The following TMEM67 variants were observed in gnomAD, a reference collection of about 807,000 sequenced individuals.
TMEM67 encodes the protein transmembrane protein 67.
In TMEM67, 124 loss-of-function variants were observed where a neutral mutation model predicts 136.6. That is an observed-to-expected ratio of 0.91 (90% confidence interval 0.78 to 1.05). The LOEUF is 1.05. Ranked by LOEUF, TMEM67 falls within the 50% of genes least tolerant of loss-of-function variation. The pLI is 0.00. For missense variants in TMEM67, 1,107 were observed against 1,178.4 expected (o/e 0.94, Z 0.89); for synonymous variants, 364 against 390.5 (o/e 0.93, Z 0.80).
chr8:93,815,178 G>A (rs190174915), intron 26 of TMEM67, 127 bp from the exon 27 acceptor site: 1 of 553,794 alleles, frequency 1.8e-6, no homozygotes, highest in Non-Finnish European at 3.0e-6. Flanking sequence ...TGTAAGCCAT[G>A]AAGTATTGTA....
chr8:93,812,942 G>A (rs1370495114), intron 26 of TMEM67, among the ~76,000 whole-genome samples: 6 of 151,890 alleles, frequency 4.0e-5, no homozygotes, highest in Non-Finnish European at 5.9e-5. Context: ...CACCATGTTG[G>A]TCAGGCTGGT....
intron 18 of TMEM67, 28 bp from the exon 19 acceptor site, chr8:93,797,106 C>G: frequency 7.4e-7 from 1 of 1,352,806 alleles, no homozygotes; most frequent in African/African-American, 1.4e-5. Flanking sequence ...GGTACTTTTT[C>G]AGGTGTTTTA....
At chr8:93,821,421 A>G (rs1391435593), downstream of TMEM67, among the ~76,000 whole-genome samples, 3 of 152,178 alleles carry the variant, frequency 2.0e-5, no homozygotes. Context: ...AGTTGGGATT[A>G]CAGGCACATG....
chr8:93,758,645 A>G, intron 3 of TMEM67, 69 bp downstream of exon 3: 1 of 1,279,972 alleles, frequency 7.8e-7, no homozygotes, highest in Non-Finnish European at 1.1e-6. Context: ...TTATTTGAAA[A>G]GGGCACTAAT....
intron 2 of TMEM67, chr8:93,756,396 GTAAA>G (rs1405885249): frequency 2.0e-5 from 3 of 152,192 alleles, no homozygotes; most frequent in Admixed American, 6.6e-5. Flanking sequence ...AAAAAAATTA[GTAAA>G]TAGTTACTAT....
chr8:93,777,187 C>T (rs1020185482), intron 7 of TMEM67, among the ~76,000 whole-genome samples: 13 of 152,242 alleles, frequency 8.5e-5, no homozygotes, highest in Middle Eastern at 3.4e-3. Flanking sequence ...TCTGTGGGAT[C>T]GGTGGTGATA....
At chr8:93,796,279 C>T (rs1218221694) in intron 18 of TMEM67, among the ~76,000 whole-genome samples, 1 of 152,118 alleles carries the variant, frequency 6.6e-6, no homozygotes, top group Non-Finnish European at 1.5e-5. Context: ...CACAATGGGA[C>T]AAAATGTCTT....
Position 93,765,597 on chromosome 8 carries a change from C to G in TMEM67, c.602C>G (p.Thr201Arg). 1 of 1,613,224 alleles carries G rather than the reference C, an allele frequency of 6.2e-7. No individual in the cohort carries two copies. Among genetic ancestry groups the G allele is most frequent in the Non-Finnish European group, 8.5e-7 (1 of 1,179,248 alleles). The change falls in exon 6 of 28, where the codon ACA (threonine) becomes AGA (arginine). Residue 201 changes from threonine (T) to arginine (R), a missense_variant. By Grantham distance (71) the Thr-to-Arg change is moderately conservative. Coordinates refer to ENST00000453321, the MANE Select transcript of TMEM67 (RefSeq NM_153704.6). ...ACAGGGGGATTATGTTTCAGCAGCA[C>G]AGGGAATTTTCCTCTACGTAGAATT... is the stretch of plus-strand genomic sequence containing the variant. Reference protein sequence around the residue: ...ILTGGLCFSSTGNFPLRRISA... With the variant: ...ILTGGLCFSSRGNFPLRRISA...
the TMEM67 span, among the ~76,000 whole-genome samples, chr8:93,830,936 G>T: frequency 2.0e-5 from 3 of 152,246 alleles, no homozygotes; most frequent in Non-Finnish European, 4.4e-5. Context: ...CTCGTACTTT[G>T]ATTTTAGAAG....
the TMEM67 span, among the ~76,000 whole-genome samples, chr8:93,828,120 CA>C: frequency 6.6e-6 from 1 of 152,148 alleles, no homozygotes; most frequent in Non-Finnish European, 1.5e-5. Context: ...GCCCTATTTA[CA>C]GACAAGTCTC....
chr8:93,793,217 G>A lies in TMEM67; in HGVS notation c.1595G>A (p.Gly532Asp), dbSNP rs1250701640. 1 of 1,614,108 alleles carries A rather than the reference G, an allele frequency of 6.2e-7. No individual in the cohort carries two copies. The highest frequency in any genetic ancestry group is 1.1e-5 in the South Asian group (1 of 91,082). The change falls in exon 16 of 28, where the codon GGT becomes GAT. Residue 532 changes from glycine to aspartate, a missense_variant. This residue lies in a region of TMEM67 where 925 missense variants were observed against 1,002.4 expected (regional missense o/e 0.92). Coordinates refer to ENST00000453321, the MANE Select transcript of TMEM67 (RefSeq NM_153704.6). ...TTTTAGATTGCTTTGGGTGTATTGG[G>A]TGGGCTAGCTGTTTTAGCATCTCTT... ...VQTDIALGVL[G>D]GLAVLASLLK...
chr8:93,785,682 C>A (rs548426618), intron 12 of TMEM67: 1 of 264,558 alleles, frequency 3.8e-6, no homozygotes, highest in East Asian at 8.2e-5. Flanking sequence ...CTTTTTTGGA[C>A]AAATTAGTTT....
intron 2 of TMEM67, chr8:93,757,119 A>G (rs963518023): frequency 1.3e-5 from 2 of 151,308 alleles, no homozygotes; most frequent in Non-Finnish European, 2.9e-5. Flanking sequence ...AAATAAATAA[A>G]TAAATAAATA....
chr8:93,787,817 A>G lies in TMEM67; in HGVS notation c.1413-27A>G. 3 of 1,516,552 alleles carry G rather than the reference A, an allele frequency of 2.0e-6. No individual in the cohort carries two copies. In the South Asian group the frequency reaches 3.4e-5, roughly 17 times the overall value. 93.9% of individuals were successfully genotyped at this position (1,516,552 alleles called of 1,614,324 possible). On this transcript the variant is annotated intron_variant, in intron 13 of 27. Coordinates refer to ENST00000453321, the MANE Select transcript of TMEM67 (RefSeq NM_153704.6). ...GTTTAAAGGCCCGGATATACTGATT[A>G]CTATAAATGCATTTTCTTTTAAATA...
At chr8:93,828,398 C>T in the TMEM67 span, among the ~76,000 whole-genome samples, 3 of 152,158 alleles carry the variant, frequency 2.0e-5, no homozygotes, top group Admixed American at 2.0e-4. Flanking sequence ...TTAAGGAACT[C>T]TTGATTAATT....
In TMEM67 at chr8:93,777,261, G is replaced by A. The variant is rs1057275681; in HGVS notation, c.715-3332G>A. ...CTCTCTTTTCCTCTTTATTAGTCTC[G>A]CTAGCGGTCTATCAATTTTGTTGAT... On this transcript the variant is annotated intron_variant, in intron 7 of 27. Coordinates refer to ENST00000453321, the MANE Select transcript of TMEM67 (RefSeq NM_153704.6). 7.2e-5 allele frequency among the ~76,000 whole-genome samples: 11 copies of A among 151,760 alleles called. No individual in the cohort carries two copies. In the East Asian group the frequency reaches 1.9e-3, roughly 27 times the overall value.
chr8:93,815,807 G>C (rs962845015), intron 27 of TMEM67, among the ~76,000 whole-genome samples: 3 of 130,680 alleles, frequency 2.3e-5, no homozygotes, highest in Non-Finnish European at 5.0e-5. Flanking sequence ...GCACTGGAGA[G>C]CTAGCTCAGG....
At chr8:93,795,790 C>T in intron 17 of TMEM67, 111 bp from the exon 18 acceptor site, 1 of 804,862 alleles carries the variant, frequency 1.2e-6, no homozygotes, top group South Asian at 1.6e-5. Flanking sequence ...GCCCGGGCAG[C>T]ATACTGAGAC....
At chr8:93,807,294 A>C (rs1815196383) in intron 23 of TMEM67, among the ~76,000 whole-genome samples, 1 of 152,122 alleles carries the variant, frequency 6.6e-6, no homozygotes, top group African/African-American at 2.4e-5. Context: ...TAACTCAAGG[A>C]AAAATTAACA....
Sources: allele counts gnomAD v4.1 joint callset (sites outside exome capture counted in the v4.1 genomes callset), GRCh38; gene constraint gnomAD v4.1.1; regional missense constraint gnomAD v4.1.1; transcripts MANE v1.5; gene names NCBI Gene and HGNC (gene_info 2026-07-23, HGNC 2026-07-21).